The following STK32B variants were observed in gnomAD, a reference collection of about 807,000 sequenced individuals.
STK32B encodes the protein serine/threonine kinase 32B, also known as serine/threonine-protein kinase 32B.
Under a neutral mutation model 52.6 loss-of-function variants are expected in STK32B, and 43 were observed. The ratio of observed to expected loss-of-function variants is 0.82; its 90% CI spans 0.64 to 1.05. The LOEUF is 1.05. Ranked by LOEUF, STK32B falls within the 50% of genes least tolerant of loss-of-function variation. The pLI is 0.00. For synonymous variants in STK32B, 238 were observed against 204.3 expected, an observed-to-expected ratio of 1.17 and a Z score of -1.41; for missense variants, 621 against 534.6, an observed-to-expected ratio of 1.16 and a Z score of -1.59.
At chr4:5,057,499 A>G (rs1206787997) in intron 1 of STK32B, among the ~76,000 whole-genome samples, 1 of 152,220 alleles carries the variant, frequency 6.6e-6, no homozygotes, top group African/African-American at 2.4e-5. Context: ...AGAGAAGGCA[A>G]AGCTTTTCCC....
At chr4:5,451,503 C>T (rs986352409) in intron 7 of STK32B, among the ~76,000 whole-genome samples, 1 of 152,176 alleles carries the variant, frequency 6.6e-6, no homozygotes, top group African/African-American at 2.4e-5. Context: ...CATAGAACCA[C>T]ATATGTCTGG....
At chr4:5,219,939 G>A (rs1256225656) in intron 3 of STK32B, among the ~76,000 whole-genome samples, 1 of 152,210 alleles carries the variant, frequency 6.6e-6, no homozygotes, top group Non-Finnish European at 1.5e-5. Context: ...AAATGTGTCT[G>A]CAGGATAATT....
In STK32B at chr4:5,129,181, A is replaced by G. The variant is rs536613511; in HGVS notation, c.53-10724A>G. On this transcript the variant is annotated intron_variant, in intron 1 of 11. Coordinates refer to ENST00000282908, the MANE Select transcript of STK32B (RefSeq NM_018401.3). ...TTTTATGTTGTTACAAGTAACTCCA[A>G]TCCACTCAGGAATTTACTTTGGAGT... Among the ~76,000 whole-genome samples the G allele has an allele frequency of 7.2e-5, 11 of 152,326 alleles. No homozygotes were observed. In the South Asian group the frequency reaches 1.0e-3, roughly 14 times the overall value.
At chr4:5,480,058 CAT>C (rs1234155608) in intron 11 of STK32B, among the ~76,000 whole-genome samples, 1 of 152,180 alleles carries the variant, frequency 6.6e-6, no homozygotes, top group Non-Finnish European at 1.5e-5. Flanking sequence ...AAATGGCACA[CAT>C]GTTAAGCATT....
At position 5,405,437 on chromosome 4, in the gene STK32B, C is replaced by A. The variant is rs569824219; in HGVS notation, c.472+7193C>A. On this transcript the variant is annotated intron_variant, in intron 5 of 11. Coordinates refer to ENST00000282908, the MANE Select transcript of STK32B (RefSeq NM_018401.3). ...TATGGTCTGAATGTTTGTGTCCCCA[C>A]AAAATTCAAAGGTTGAAACTGTAAT... is the stretch of plus-strand genomic sequence containing the variant. Among the ~76,000 whole-genome samples, 286 of 152,256 alleles carry A rather than the reference C, an allele frequency of 1.9e-3. 1 individual carries two copies. The highest frequency in any genetic ancestry group is 6.6e-3 in the African/African-American group (272 of 41,526).
Position 5,080,738 on chromosome 4 carries a change from A to G in STK32B, c.52+28823A>G, listed in dbSNP as rs1712367857. Among the ~76,000 whole-genome samples the G allele has an allele frequency of 4.6e-5, 7 of 152,308 alleles. No homozygotes were observed. In the South Asian group the frequency reaches 1.5e-3, roughly 32 times the overall value. ...ATACACATTGTGAAATGATTATCAT[A>G]ATCATATTAATTAACATATATATCG... On this transcript the variant is annotated intron_variant, in intron 1 of 11. Transcript: ENST00000282908.
chr4:5,235,017 CAGTTG>C (rs1724529551), intron 3 of STK32B, among the ~76,000 whole-genome samples: 2 of 152,194 alleles, frequency 1.3e-5, no homozygotes, highest in African/African-American at 4.8e-5. Flanking sequence ...TTACATATGA[CAGTTG>C]AGTTCATTAT....
intron 11 of STK32B, among the ~76,000 whole-genome samples, chr4:5,487,440 A>G (rs1445478002): frequency 6.6e-6 from 1 of 152,230 alleles, no homozygotes; most frequent in Non-Finnish European, 1.5e-5. Context: ...CAACAACACA[A>G]TACAATTAGT....
chr4:5,459,557 C>T (rs915036162), intron 8 of STK32B, among the ~76,000 whole-genome samples: 1 of 152,328 alleles, frequency 6.6e-6, no homozygotes, highest in Admixed American at 6.5e-5. Context: ...GATGCCAGGT[C>T]ATAGTCTTCA....
intron 5 of STK32B, among the ~76,000 whole-genome samples, chr4:5,401,315 G>A (rs1386046904): frequency 2.0e-5 from 3 of 152,070 alleles, no homozygotes; most frequent in Non-Finnish European, 4.4e-5. Context: ...ACCAATAACT[G>A]TGTATTGCTA....
At chr4:5,061,668 C>T (rs913998855) in intron 1 of STK32B, among the ~76,000 whole-genome samples, 1 of 152,160 alleles carries the variant, frequency 6.6e-6, no homozygotes, top group African/African-American at 2.4e-5. Flanking sequence ...ATCTTAAATC[C>T]TCACAGAGAT....
At chr4:5,150,075 T>C (rs954004615) in intron 2 of STK32B, among the ~76,000 whole-genome samples, 8 of 152,056 alleles carry the variant, frequency 5.3e-5, no homozygotes, top group African/African-American at 1.9e-4. Flanking sequence ...GAATTTCTGA[T>C]GAGAAGTCAT....
At chr4:5,338,703 A>G (rs1732872091) in intron 4 of STK32B, among the ~76,000 whole-genome samples, 1 of 152,206 alleles carries the variant, frequency 6.6e-6, no homozygotes, top group Non-Finnish European at 1.5e-5. Flanking sequence ...GATTCACCAG[A>G]TTTCAGAAAA....
intron 6 of STK32B, among the ~76,000 whole-genome samples, chr4:5,433,209 A>C (rs1321729070): frequency 7.7e-6 from 1 of 130,418 alleles, no homozygotes; most frequent in Non-Finnish European, 1.7e-5. Context: ...TGGAAGGGAA[A>C]ATAAGTCTTG....
At chr4:5,085,370 A>T (rs1472276390) in intron 1 of STK32B, among the ~76,000 whole-genome samples, 3 of 152,242 alleles carry the variant, frequency 2.0e-5, no homozygotes, top group African/African-American at 7.2e-5. Context: ...GATTGACAAT[A>T]TAGCATATTA....
chr4:5,228,586 T>C (rs547688891), intron 3 of STK32B, among the ~76,000 whole-genome samples: 8 of 152,214 alleles, frequency 5.3e-5, no homozygotes, highest in Non-Finnish European at 7.3e-5. Flanking sequence ...GCCTTGGAGA[T>C]AGTGCAGTTC....
intron 3 of STK32B, among the ~76,000 whole-genome samples, chr4:5,244,798 A>G (rs1217857324): frequency 6.6e-6 from 1 of 152,142 alleles, no homozygotes; most frequent in Non-Finnish European, 1.5e-5. Flanking sequence ...ACTGGTTTCA[A>G]AGAACATCTT....
intron 4 of STK32B, among the ~76,000 whole-genome samples, chr4:5,348,102 C>T (rs1381743572): frequency 6.6e-6 from 1 of 152,136 alleles, no homozygotes; most frequent in East Asian, 1.9e-4. Context: ...CAGGACAACC[C>T]ATTTGGCTGG....
chr4:5,403,654 A>G (rs1737462429), intron 5 of STK32B, among the ~76,000 whole-genome samples: 1 of 152,218 alleles, frequency 6.6e-6, no homozygotes, highest in Non-Finnish European at 1.5e-5. Context: ...ATTTGTTGAT[A>G]AATGTGATGA....
Sources: gnomAD v4.1 joint callset for allele counts (sites outside exome capture counted in the v4.1 genomes callset) on GRCh38, gnomAD v4.1.1 for gene constraint, MANE v1.5 for transcripts, NCBI Gene and HGNC (gene_info 2026-07-23, HGNC 2026-07-21) for gene names.